Variants in SPG7 observed in about 807,000 individuals in gnomAD.
The protein encoded by SPG7 is SPG7 matrix AAA peptidase subunit, paraplegin.
SPG7 carries 103 observed loss-of-function variants against 81.9 expected under a neutral mutation model. The observed-to-expected ratio is 1.26, with a 90% CI of 1.07 to 1.48. The LOEUF (loss-of-function observed/expected upper bound fraction) is 1.48, where lower values mean the gene tolerates loss of function less well. Among genes scored for constraint, SPG7 ranks in the 40% most tolerant of loss-of-function variants. SPG7 has a pLI of 0.00. For missense variants in SPG7, 1,241 were observed against 1,087.3 expected (o/e 1.14, Z -1.99); for synonymous variants, 534 against 444.2 (o/e 1.20, Z -2.54).
intron 16 of SPG7, chr16:89,554,937 A>C: frequency 3.7e-6 from 1 of 273,688 alleles, no homozygotes; most frequent in Non-Finnish European, 7.2e-6. Context: ...TTTTTTTGAG[A>C]CAAAGTCTTG....
At chr16:89,546,175 C>A in intron 10 of SPG7, 1 of 298,338 alleles carries the variant, frequency 3.4e-6, no homozygotes, top group South Asian at 2.9e-5. Context: ...CAACCACCAT[C>A]TCCCAGGTTC....
chr16:89,543,499 C>T (rs1428031921), intron 9 of SPG7: 1 of 151,732 alleles, frequency 6.6e-6, no homozygotes, highest in Non-Finnish European at 1.5e-5. Context: ...GCGCCACACC[C>T]AGCTAATTTT....
chr16:89,542,152 C>T (rs1432863365), intron 9 of SPG7: 1 of 152,400 alleles, frequency 6.6e-6, no homozygotes, highest in Non-Finnish European at 1.5e-5. Flanking sequence ...TTTGGCCTGG[C>T]TGCTGTTTTT....
chr16:89,554,008 G>A (rs954271785), intron 15 of SPG7, 48 bp downstream of exon 15: 16 of 1,589,678 alleles, frequency 1.0e-5, no homozygotes, highest in Non-Finnish European at 1.4e-5. Context: ...CCCCGGGGAG[G>A]GAGTCCCTGG....
Position 89,512,955 on chromosome 16 carries a change from TTTC to T in SPG7, c.296_298del (p.Phe99del). ...TTTCTCTATTTCTCATAGGTGGTAC[TTTC>T]TATTTTAACACCTCAAGGTTGAAGC... is the stretch of plus-strand genomic sequence containing the variant. On this transcript the variant is annotated inframe_deletion, in exon 3 of 17. Coordinates refer to ENST00000645818, the MANE Select transcript of SPG7 (RefSeq NM_003119.4). 6.2e-7 allele frequency: 1 copy of T among 1,613,384 alleles called. No homozygotes were observed. The highest frequency in any genetic ancestry group is 8.5e-7 in the Non-Finnish European group (1 of 1,179,482).
intron 5 of SPG7, among the ~76,000 whole-genome samples, chr16:89,528,184 G>T (rs1031491796): frequency 6.6e-6 from 1 of 151,642 alleles, no homozygotes; most frequent in Non-Finnish European, 1.5e-5. Flanking sequence ...AGGTCAGGAG[G>T]TCGAGACCAT....
chr16:89,532,557 G>C lies in SPG7; in HGVS notation c.1245G>C (p.Lys415Asn). The change falls in exon 9 of 17, where the codon AAG (lysine) becomes AAC (asparagine). Residue 415 changes from lysine (K) to asparagine (N), a missense_variant. Physicochemically the swap from Lys to Asn is moderately conservative, Grantham distance 94. Transcript: ENST00000645818. ...VYIDEIDAVG[K>N]KRSTTMSGFS... The stretch of plus-strand genomic sequence containing the variant: ...TCGATGAGATCGACGCGGTGGGCAA[G>C]AAGCGCTCCACCACCATGTCCGGCT... 1 of 1,613,792 alleles carries C rather than the reference G, an allele frequency of 6.2e-7. No individual in the cohort carries two copies. Among genetic ancestry groups the C allele is most frequent in the Non-Finnish European group, 8.5e-7 (1 of 1,180,038 alleles).
intron 11 of SPG7, 27 bp downstream of exon 11, chr16:89,546,787 A>T: frequency 1.3e-6 from 2 of 1,493,074 alleles, no homozygotes; most frequent in Non-Finnish European, 1.9e-6. Flanking sequence ...CAGCCTGGGC[A>T]GCGTCACGTC....
rs1375109468 is a variant in SPG7, at chr16:89,508,622, G to GC, written c.183+26dup. ...GCAGGTAAATCCCCGCGGAGTCCGG[G>GC]CCCCACCTCCCGCCCGGCTCTGCTC... is the stretch of plus-strand genomic sequence containing the variant. On this transcript the variant is annotated intron_variant, in intron 1 of 16. Coordinates refer to ENST00000645818, the MANE Select transcript of SPG7 (RefSeq NM_003119.4). 3.1e-4 allele frequency: 442 copies of GC among 1,438,454 alleles called. 2 individuals carry two copies. Among genetic ancestry groups the GC allele is most frequent in the Non-Finnish European group, 2.2e-5 (24 of 1,101,616 alleles). The allele number at this position is 1,438,454 out of a possible 1,614,324, so 89.1% of individuals were successfully genotyped here.
Position 89,550,604 on chromosome 16 carries a change from A to G in SPG7, c.1774A>G (p.Met592Val), listed in dbSNP as rs768774528. 6.2e-7 allele frequency: 1 copy of G among 1,612,150 alleles called. No homozygotes were observed. The highest frequency in any genetic ancestry group is 8.5e-7 in the Non-Finnish European group (1 of 1,178,702). Residue 592 changes from methionine (M) to valine (V), a missense_variant, in exon 13 of 17, where the codon ATG (methionine) becomes GTG (valine). Physicochemically the swap from Met to Val is conservative, Grantham distance 21. Coordinates refer to ENST00000645818, the MANE Select transcript of SPG7 (RefSeq NM_003119.4). ...GATGCTGGAGCACACGGAGGCCGTG[A>G]TGAAGGTGGGTCTTGGCAGGTGCCG... ...GWMLEHTEAV[M>V]KVSITPRTNA...
intron 3 of SPG7, chr16:89,521,293 G>T (rs2058184688): frequency 6.6e-6 from 1 of 152,300 alleles, no homozygotes; most frequent in African/African-American, 2.4e-5. Flanking sequence ...TTGTTGGGCA[G>T]ATCCTGCTCC....
intron 4 of SPG7, among the ~76,000 whole-genome samples, chr16:89,524,588 C>T (rs894060470): frequency 6.6e-6 from 1 of 152,102 alleles, no homozygotes; most frequent in Non-Finnish European, 1.5e-5. Context: ...GGATTACAGG[C>T]GTGCACCACA....
chr16:89,520,862 G>C (rs377166331), intron 3 of SPG7: 1 of 152,132 alleles, frequency 6.6e-6, no homozygotes, highest in Non-Finnish European at 1.5e-5. Context: ...CTTATGGTTC[G>C]TTTCCTTAGG....
intron 6 of SPG7, chr16:89,529,955 T>C (rs191442777): frequency 2.5e-4 from 82 of 327,322 alleles, no homozygotes; most frequent in African/African-American, 1.7e-3. Flanking sequence ...TTCTCCTGCC[T>C]CAGCTTCCCG....
intron 3 of SPG7, chr16:89,520,848 A>G (rs1445252475): frequency 6.6e-6 from 1 of 152,148 alleles, no homozygotes; most frequent in Non-Finnish European, 1.5e-5. Flanking sequence ...TCCGGCTGGA[A>G]TTTCTTATGG....
rs369223111 is a variant in SPG7 at position 89,553,671 on chromosome 16, G to C, written c.1937-123G>C. 3.3e-6 allele frequency: 3 copies of C among 901,530 alleles called. No homozygotes were observed. In the African/African-American group the frequency reaches 4.9e-5, roughly 15 times the overall value. 55.8% of individuals were successfully genotyped at this position (901,530 alleles called of 1,614,324 possible). A position where few individuals can be genotyped will look rare whatever the true frequency, so the allele number is the denominator to read the frequency against. On this transcript the variant is annotated intron_variant, in intron 14 of 16. Coordinates refer to ENST00000645818, the MANE Select transcript of SPG7 (RefSeq NM_003119.4). ...GTCCTCACTGTCCAGCTTCACGGTG[G>C]GTCCTCGGGAGGAAGGGGATGGAGG... is the stretch of plus-strand genomic sequence containing the variant.
intron 3 of SPG7, among the ~76,000 whole-genome samples, chr16:89,514,830 T>A (rs1359842648): frequency 2.6e-5 from 4 of 152,002 alleles, no homozygotes; most frequent in Admixed American, 1.3e-4. Context: ...AGGTTTTGTC[T>A]TGTTGGCCAG....
At chr16:89,528,035 C>T (rs529718475) in intron 5 of SPG7, among the ~76,000 whole-genome samples, 1 of 152,168 alleles carries the variant, frequency 6.6e-6, no homozygotes, top group African/African-American at 2.4e-5. Flanking sequence ...CAGTGATGTA[C>T]AGAAGATGGA....
chr16:89,526,819 G>A (rs1055765143), intron 5 of SPG7: 13 of 348,802 alleles, frequency 3.7e-5, no homozygotes, highest in Non-Finnish European at 6.7e-5. Flanking sequence ...GTAGGATGGC[G>A]AAGTCTCAGC....
Sources: gnomAD v4.1 joint callset for allele counts (sites outside exome capture counted in the v4.1 genomes callset) on GRCh38, gnomAD v4.1.1 for gene constraint, MANE v1.5 for transcripts, NCBI Gene and HGNC (gene_info 2026-07-23, HGNC 2026-07-21) for gene names.